PIK3R4: variants seen among roughly 807,000 people sequenced by gnomAD.
The protein encoded by PIK3R4 is phosphoinositide-3-kinase regulatory subunit 4.
PIK3R4 carries 46 observed loss-of-function variants against 136.5 expected under a neutral mutation model. That is an observed-to-expected ratio of 0.34 (90% confidence interval 0.27 to 0.43). The LOEUF is 0.43. Ranked by LOEUF, PIK3R4 falls within the 20% of genes least tolerant of loss-of-function variation. The pLI is 1.00. For synonymous variants in PIK3R4, 557 were observed against 566.7 expected (o/e 0.98, Z 0.24); for missense variants, 1,331 against 1,649.5 (o/e 0.81, Z 3.35).
intron 9 of PIK3R4, among the ~76,000 whole-genome samples, chr3:130,712,040 G>A (rs1415843320): frequency 6.6e-6 from 1 of 152,172 alleles, no homozygotes; most frequent in South Asian, 2.1e-4. Flanking sequence ...GGGAGCTATT[G>A]TAGATGGATC....
At chr3:130,730,467 T>G in intron 4 of PIK3R4, 25 bp from the exon 5 acceptor site, 3 of 1,507,182 alleles carry the variant, frequency 2.0e-6, no homozygotes, top group Non-Finnish European at 2.7e-6. Flanking sequence ...GGAAGAAAAT[T>G]TATAATTACA....
chr3:130,730,598 A>G (rs982440095), intron 4 of PIK3R4, among the ~76,000 whole-genome samples, 156 bp from the exon 5 acceptor site: 2 of 152,034 alleles, frequency 1.3e-5, no homozygotes, highest in African/African-American at 2.4e-5. Context: ...GATTTTAGTA[A>G]CCCAGCTCAT....
Position 130,744,890 on chromosome 3 carries a change from A to G in PIK3R4, c.329T>C (p.Leu110Pro), listed in dbSNP as rs1372674166. Residue 110 changes from leucine to proline, a missense_variant, in exon 2 of 20, where the codon CTC becomes CCC. Physicochemically the swap from Leu to Pro is moderately conservative, Grantham distance 98. Around this residue, in one of 2 missense-constraint regions of PIK3R4, gnomAD observed 151 missense variants for 242.5 expected, o/e 0.62. Coordinates refer to ENST00000356763, the MANE Select transcript of PIK3R4 (RefSeq NM_014602.3). ...MLFRQYVRDNLYDRISTRPFL... is the reference protein window; with the variant it reads ...MLFRQYVRDNPYDRISTRPFL... ...TGGACGGGTACTGATGCGATCATAG[A>G]GATTGTCTCGCACATACTGCCTAAA... 6.2e-7 allele frequency: 1 copy of G among 1,614,188 alleles called. No homozygotes were observed. The highest frequency in any genetic ancestry group is 2.2e-5 in the East Asian group (1 of 44,886).
intron 2 of PIK3R4, among the ~76,000 whole-genome samples, chr3:130,738,758 A>C (rs2066801294): frequency 6.6e-6 from 1 of 151,740 alleles, no homozygotes; most frequent in Non-Finnish European, 1.5e-5. Flanking sequence ...TCCTTCTCCC[A>C]CTGGCCAAAT....
At chr3:130,714,060 G>A (rs1490332048) in intron 9 of PIK3R4, among the ~76,000 whole-genome samples, 1 of 152,162 alleles carries the variant, frequency 6.6e-6, no homozygotes, top group African/African-American at 2.4e-5. Flanking sequence ...CACTTAGATT[G>A]AGATGATTTT....
At position 130,733,726 on chromosome 3, in the gene PIK3R4, A is replaced by G. The variant is rs1282963208; in HGVS notation, c.1272T>C (p.His424=). The G allele has an allele frequency of 6.2e-6, 10 of 1,614,078 alleles. No individual in the cohort carries two copies. In the East Asian group the frequency reaches 2.2e-4, roughly 36 times the overall value. Residue 424 remains histidine (H), a synonymous_variant, in exon 4 of 20, where the codon CAT becomes CAC. Transcript: ENST00000356763. ...LLDRITPYLL[H]FSNDSVPRVR... The stretch of plus-strand genomic sequence containing the variant: ...CCCTAGGAACAGAGTCATTGCTGAA[A>G]TGCAAAAGATATGGAGTAATACGAT...
chr3:130,745,470 C>A (rs2066847357), intron 1 of PIK3R4, among the ~76,000 whole-genome samples: 2 of 152,128 alleles, frequency 1.3e-5, no homozygotes, highest in Non-Finnish European at 2.9e-5. Context: ...CCAAGAAGAC[C>A]TTGTTATTTT....
chr3:130,745,221 T>C lies in PIK3R4; in HGVS notation c.-3A>G, dbSNP rs775899271. The C allele has an allele frequency of 1.1e-5, 18 of 1,593,052 alleles. No homozygotes were observed. In the African/African-American group the frequency reaches 1.6e-4, roughly 14 times the overall value. Reference sequence around the variant, plus strand: ...ATGCCAGCAAGCTGATTTCCCATAATGGCAAGCACCTCTGTGGTCTTTAGT... The same window carrying C: ...ATGCCAGCAAGCTGATTTCCCATAACGGCAAGCACCTCTGTGGTCTTTAGT... On this transcript the variant is annotated 5_prime_UTR_variant, in exon 2 of 20. Coordinates refer to ENST00000356763, the MANE Select transcript of PIK3R4 (RefSeq NM_014602.3).
chr3:130,743,262 A>G (rs1461178377), intron 2 of PIK3R4, among the ~76,000 whole-genome samples: 1 of 151,922 alleles, frequency 6.6e-6, no homozygotes, highest in East Asian at 1.9e-4. Context: ...TGTTAAAAAA[A>G]AAAAAAGTCA....
At chr3:130,708,919 T>C (rs1193029905) in intron 9 of PIK3R4, among the ~76,000 whole-genome samples, 6 of 152,180 alleles carry the variant, frequency 3.9e-5, no homozygotes, top group Non-Finnish European at 8.8e-5. Flanking sequence ...CTCCTGGTTG[T>C]GTTGAGAAAT....
At chr3:130,743,753 T>C (rs1308816121) in intron 2 of PIK3R4, among the ~76,000 whole-genome samples, 2 of 152,226 alleles carry the variant, frequency 1.3e-5, no homozygotes, top group African/African-American at 2.4e-5. Flanking sequence ...TTACCTGGAC[T>C]GTGGCAGTTT....
At chr3:130,696,496 C>CT (rs1453364439) in intron 13 of PIK3R4, among the ~76,000 whole-genome samples, 1 of 152,038 alleles carries the variant, frequency 6.6e-6, no homozygotes, top group Non-Finnish European at 1.5e-5. Flanking sequence ...TCTAATTTCC[C>CT]TTTGAAACGC....
Position 130,734,090 on chromosome 3 carries a change from T to C in PIK3R4, c.908A>G (p.Glu303Gly). 1 of 1,613,902 alleles carries C rather than the reference T, an allele frequency of 6.2e-7. No homozygotes were observed. Among genetic ancestry groups the C allele is most frequent in the Non-Finnish European group, 8.5e-7 (1 of 1,179,848 alleles). Residue 303 changes from glutamate to glycine, a missense_variant, in exon 4 of 20, where the codon GAG becomes GGG. Around this residue, in one of 2 missense-constraint regions of PIK3R4, gnomAD observed 1,180 missense variants for 1,407.0 expected, o/e 0.84. Transcript: ENST00000356763. ...CTGCTGTTTTAAGTAATCTTCTGCC[T>C]CTAAACGTTTATCTGGCTCACGGTG... ...MIHREPDKRL[E>G]AEDYLKQQRG...
In PIK3R4 at chr3:130,679,370, G is replaced by A; in HGVS notation, c.4022C>T (p.Thr1341Ile). Residue 1341 changes from threonine to isoleucine, a missense_variant, in exon 20 of 20, where the codon ACA (threonine) becomes ATA (isoleucine). Thr to Ile is a moderately conservative substitution (Grantham distance 89). This residue lies in a region of PIK3R4 where 1,180 missense variants were observed against 1,407.0 expected (regional missense o/e 0.84). Coordinates refer to ENST00000356763, the MANE Select transcript of PIK3R4 (RefSeq NM_014602.3). The part of the protein sequence containing the change: ...IITDVATFQT[T>I]QGFIVTASRD... ...AGAAGCAGTTACGATGAAGCCCTGT[G>A]TGGTCTGGAATGTGGCGACATCAGT... is the stretch of plus-strand genomic sequence containing the variant. 1 of 1,613,258 alleles carries A rather than the reference G, an allele frequency of 6.2e-7. No individual in the cohort carries two copies. The highest frequency in any genetic ancestry group is 8.5e-7 in the Non-Finnish European group (1 of 1,179,372).
At chr3:130,742,860 C>A (rs965767499) in intron 2 of PIK3R4, among the ~76,000 whole-genome samples, 1 of 152,170 alleles carries the variant, frequency 6.6e-6, no homozygotes, top group African/African-American at 2.4e-5. Flanking sequence ...TCCTCTCTAT[C>A]CCACAAATTC....
intron 2 of PIK3R4, among the ~76,000 whole-genome samples, chr3:130,744,241 T>C (rs2066840745): frequency 6.6e-6 from 1 of 152,238 alleles, no homozygotes; most frequent in African/African-American, 2.4e-5. Context: ...GGACAGTGCC[T>C]GACACATACA....
Position 130,733,702 on chromosome 3 carries a change from C to T in PIK3R4, c.1296G>A (p.Arg432=), listed in dbSNP as rs772747567. Residue 432 remains arginine (R), a synonymous_variant, in exon 4 of 20, where the codon AGG becomes AGA. Transcript: ENST00000356763. ...ACGTCCTCAAGGCTTCAGCCCTCAC[C>T]CTAGGAACAGAGTCATTGCTGAAAT... The part of the protein sequence containing the change: ...LLHFSNDSVP[R]VRAEALRTLT... 1 of 1,614,110 alleles carries T rather than the reference C, an allele frequency of 6.2e-7. No individual in the cohort carries two copies. The highest frequency in any genetic ancestry group is 8.5e-7 in the Non-Finnish European group (1 of 1,179,986).
Position 130,684,310 on chromosome 3 carries a change from A to T in PIK3R4, c.3547T>A (p.Ser1183Thr). The T allele has an allele frequency of 6.2e-7, 1 of 1,613,316 alleles. No homozygotes were observed. Among genetic ancestry groups the T allele is most frequent in the Non-Finnish European group, 8.5e-7 (1 of 1,179,350 alleles). ...GAGAGGCGTCTGATTCGAGCCCTGG[A>T]AGGATGACAGTGACTTGAAATTGGC... ...QLPISSHCHP[S>T]RARIRRLSMH... The change falls in exon 16 of 20, where the codon TCC becomes ACC. Residue 1183 changes from serine (S) to threonine (T), a missense_variant. This residue lies in a region of PIK3R4 where 1,180 missense variants were observed against 1,407.0 expected (regional missense o/e 0.84). Coordinates refer to ENST00000356763, the MANE Select transcript of PIK3R4 (RefSeq NM_014602.3).
At chr3:130,703,989 A>T (rs999702732) in intron 12 of PIK3R4, 101 bp from the exon 13 acceptor site, 1 of 752,774 alleles carries the variant, frequency 1.3e-6, no homozygotes, top group Non-Finnish European at 2.2e-6. Flanking sequence ...GAAAACAATC[A>T]TAAGAACTAA....
Sources: allele counts gnomAD v4.1 joint callset (sites outside exome capture counted in the v4.1 genomes callset), GRCh38; gene constraint gnomAD v4.1.1; regional missense constraint gnomAD v4.1.1; transcripts MANE v1.5; gene names NCBI Gene and HGNC (gene_info 2026-07-23, HGNC 2026-07-21).